The following KCNIP4 variants were observed in gnomAD, a reference collection of about 807,000 sequenced individuals.
KCNIP4 encodes the protein Kv channel-interacting protein 4.
Under a neutral mutation model 34.0 loss-of-function variants are expected in KCNIP4, and 12 were observed. The ratio of observed to expected loss-of-function variants is 0.35; its 90% CI spans 0.23 to 0.57. KCNIP4 has a LOEUF of 0.57. Ranked by LOEUF, KCNIP4 falls within the 20% of genes least tolerant of loss-of-function variation. KCNIP4 has a pLI of 0.83. For missense variants in KCNIP4, 238 were observed against 311.7 expected, an observed-to-expected ratio of 0.76 and a Z score of 1.78; for synonymous variants, 124 against 102.2, an observed-to-expected ratio of 1.21 and a Z score of -1.29.
intron 1 of KCNIP4, among the ~76,000 whole-genome samples, chr4:21,080,880 C>G (rs1219299700): frequency 1.3e-5 from 2 of 151,760 alleles, no homozygotes; most frequent in African/African-American, 4.9e-5. Flanking sequence ...CAACACTCTA[C>G]AGAAAGAATT....
intron 1 of KCNIP4, among the ~76,000 whole-genome samples, chr4:21,135,970 A>G (rs1057293257): frequency 2.0e-5 from 3 of 152,236 alleles, no homozygotes; most frequent in Non-Finnish European, 4.4e-5. Context: ...CATAACTGTT[A>G]CTATTCATGT....
intron 1 of KCNIP4, among the ~76,000 whole-genome samples, chr4:21,049,544 C>A (rs546598611): frequency 6.6e-6 from 1 of 152,226 alleles, no homozygotes; most frequent in African/African-American, 2.4e-5. Context: ...TTTTTCGTAT[C>A]AATGTACAAG....
At chr4:21,278,002 G>A (rs1293022243) in intron 1 of KCNIP4, among the ~76,000 whole-genome samples, 4 of 152,138 alleles carry the variant, frequency 2.6e-5, no homozygotes, top group Non-Finnish European at 4.4e-5. Context: ...TTAAAAAATC[G>A]GAAGAAAACT....
intron 1 of KCNIP4, among the ~76,000 whole-genome samples, chr4:21,071,777 T>C (rs1211015497): frequency 6.6e-6 from 1 of 152,190 alleles, no homozygotes; most frequent in African/African-American, 2.4e-5. Flanking sequence ...TATCTCCTAA[T>C]GCTTTCCATC....
chr4:20,960,173 A>C (rs572761112), intron 1 of KCNIP4, among the ~76,000 whole-genome samples: 1 of 152,188 alleles, frequency 6.6e-6, no homozygotes, highest in Non-Finnish European at 1.5e-5. Flanking sequence ...GTGTTCCAGG[A>C]CTGAGTTTGA....
rs139156627 is a variant in KCNIP4 at position 21,740,062 on chromosome 4, G to A, written c.61+208509C>T. Among the ~76,000 whole-genome samples, 1,344 of 152,054 alleles carry A rather than the reference G, an allele frequency of 8.8e-3. 7 individuals carry two copies. Among genetic ancestry groups the A allele is most frequent in the Non-Finnish European group, 0.015 (1,039 of 67,900 alleles). ...CATATACTTGAGTAACTACAGCCAAGCAACTTTTCAAATACTCAAGAATAT... is the reference window on the plus strand; with the variant it reads ...CATATACTTGAGTAACTACAGCCAAACAACTTTTCAAATACTCAAGAATAT... On this transcript the variant is annotated intron_variant, in intron 1 of 8. Coordinates refer to ENST00000382152, the MANE Select transcript of KCNIP4 (RefSeq NM_025221.6).
chr4:21,124,687 A>G (rs1249039185), intron 1 of KCNIP4, among the ~76,000 whole-genome samples: 1 of 152,174 alleles, frequency 6.6e-6, no homozygotes, highest in Non-Finnish European at 1.5e-5. Flanking sequence ...TTGAAGCTTA[A>G]AAAGGTACAG....
At position 21,618,630 on chromosome 4, in the gene KCNIP4, C is replaced by CTT. The variant is rs58967707; in HGVS notation, c.61+329939_61+329940dup. Among the ~76,000 whole-genome samples the CTT allele has an allele frequency of 5.3e-3, 430 of 81,790 alleles. 11 individuals are homozygous for CTT. Among genetic ancestry groups the CTT allele is most frequent in the Middle Eastern group, 0.025 (3 of 118 alleles). 53.7% of individuals were successfully genotyped at this position (81,790 alleles called of 152,430 possible). On this transcript the variant is annotated intron_variant, in intron 1 of 8. Coordinates refer to ENST00000382152, the MANE Select transcript of KCNIP4 (RefSeq NM_025221.6). Reference sequence around the variant, plus strand: ...TTCTTTTCTTTTTCTTTTTCTTTTTCTTTTTTTTTTTTTTTTTTTTGAGAG... The same window carrying CTT: ...TTCTTTTCTTTTTCTTTTTCTTTTTCTTTTTTTTTTTTTTTTTTTTTTGAGAG...
intron 1 of KCNIP4, among the ~76,000 whole-genome samples, chr4:21,824,943 A>G (rs1578036531): frequency 6.6e-6 from 1 of 152,152 alleles, no homozygotes; most frequent in South Asian, 2.1e-4. Flanking sequence ...AAACTATAAT[A>G]TTGCAATAAG....
At chr4:21,561,247 G>T (rs1739467997) in intron 1 of KCNIP4, among the ~76,000 whole-genome samples, 1 of 151,940 alleles carries the variant, frequency 6.6e-6, no homozygotes, top group Admixed American at 6.6e-5. Flanking sequence ...GTATTAGTGG[G>T]AATATAAAGA....
At chr4:21,321,800 G>GGCAGTGGGGGAAGTGGGGAA in intron 1 of KCNIP4, among the ~76,000 whole-genome samples, 1 of 142,172 alleles carries the variant, frequency 7.0e-6, no homozygotes. Flanking sequence ...GAAGGAGGGA[G>GGCAGTGGGGGAAGTGGGGAA]GGAGAAGAGG....
chr4:21,814,440 T>C (rs1024224490), intron 1 of KCNIP4, among the ~76,000 whole-genome samples: 3 of 152,054 alleles, frequency 2.0e-5, no homozygotes, highest in African/African-American at 7.2e-5. Context: ...CATGGTTTTA[T>C]AAAGGGGAGT....
At chr4:21,246,277 C>G (rs1217876064) in intron 1 of KCNIP4, among the ~76,000 whole-genome samples, 1 of 152,216 alleles carries the variant, frequency 6.6e-6, no homozygotes, top group Non-Finnish European at 1.5e-5. Context: ...TTAAAACCAA[C>G]TAGCTTCTCT....
At chr4:21,437,479 C>T (rs571440813) in intron 1 of KCNIP4, among the ~76,000 whole-genome samples, 37 of 152,314 alleles carry the variant, frequency 2.4e-4, no homozygotes, top group African/African-American at 7.9e-4. Context: ...ATTTCCCATT[C>T]CGTTCTCCTA....
At chr4:21,090,900 A>G (rs922570949) in intron 1 of KCNIP4, among the ~76,000 whole-genome samples, 1 of 152,230 alleles carries the variant, frequency 6.6e-6, no homozygotes. Context: ...ACAGAGCAAA[A>G]ACAGAACAAT....
chr4:21,773,310 T>TAA, intron 1 of KCNIP4, among the ~76,000 whole-genome samples: 1 of 152,174 alleles, frequency 6.6e-6, no homozygotes, highest in South Asian at 2.1e-4. Context: ...TTCTTTTGCG[T>TAA]TTGCTGTGGA....
intron 1 of KCNIP4, among the ~76,000 whole-genome samples, chr4:21,481,554 G>A (rs7441592): frequency 0.12 from 19,013 of 152,152 alleles, 1,355 homozygotes; most frequent in South Asian, 0.21. Flanking sequence ...GTGCAGTTTC[G>A]TGTGATATGC....
intron 1 of KCNIP4, among the ~76,000 whole-genome samples, chr4:21,432,452 G>C (rs2109671753): frequency 6.6e-6 from 1 of 152,090 alleles, no homozygotes; most frequent in East Asian, 2.0e-4. Context: ...TTTTGGGGAA[G>C]ATATGTGCTA....
At chr4:21,189,473 C>T (rs549418991) in intron 1 of KCNIP4, among the ~76,000 whole-genome samples, 1 of 152,326 alleles carries the variant, frequency 6.6e-6, no homozygotes, top group South Asian at 2.1e-4. Context: ...TTCTTACTAG[C>T]AGCAGTTTCT....
Sources: allele counts gnomAD v4.1 joint callset (sites outside exome capture counted in the v4.1 genomes callset), GRCh38; gene constraint gnomAD v4.1.1; transcripts MANE v1.5; gene names NCBI Gene and HGNC (gene_info 2026-07-23, HGNC 2026-07-21).